The following TRUB1 variants were observed in gnomAD, a reference collection of about 807,000 sequenced individuals.
TRUB1 encodes pseudouridylate synthase TRUB1.
A neutral mutation model predicts 33.9 loss-of-function variants in TRUB1; 23 were observed. The ratio of observed to expected loss-of-function variants is 0.68; its 90% CI spans 0.49 to 0.96. The LOEUF is 0.96. Among genes scored for constraint, TRUB1 ranks in the 40% least tolerant of loss-of-function variants. The pLI is 0.00. For synonymous variants in TRUB1, 163 were observed against 165.4 expected (o/e 0.99, Z 0.11); for missense variants, 378 against 422.2 (o/e 0.90, Z 0.92).
intron 4 of TRUB1, among the ~76,000 whole-genome samples, chr10:114,964,856 G>A (rs1283034935): frequency 6.6e-6 from 1 of 150,532 alleles, no homozygotes; most frequent in Non-Finnish European, 1.5e-5. Context: ...ATTAATTGCT[G>A]TAGTTTTAGA....
intron 3 of TRUB1, among the ~76,000 whole-genome samples, chr10:114,958,953 G>A (rs1235526930): frequency 6.6e-6 from 1 of 151,598 alleles, no homozygotes; most frequent in Non-Finnish European, 1.5e-5. Context: ...CTGACAACAT[G>A]GTGAAACCCC....
At chr10:114,966,526 A>G (rs2084309633) in intron 4 of TRUB1, among the ~76,000 whole-genome samples, 2 of 152,312 alleles carry the variant, frequency 1.3e-5, no homozygotes, top group South Asian at 4.1e-4. Flanking sequence ...CACACACTCA[A>G]AATCTACTGG....
At chr10:114,943,845 T>A (rs2084199935) in intron 2 of TRUB1, among the ~76,000 whole-genome samples, 1 of 152,042 alleles carries the variant, frequency 6.6e-6, no homozygotes. Context: ...CTATCTCTAA[T>A]CTAATCTCTG....
chr10:114,975,108 C>A lies in TRUB1; in HGVS notation c.794-15C>A. The A allele has an allele frequency of 6.3e-7, 1 of 1,584,954 alleles. No individual in the cohort carries two copies. The highest frequency in any genetic ancestry group is 1.4e-5 in the African/African-American group (1 of 73,246). On this transcript the variant is annotated splice_polypyrimidine_tract_variant and intron_variant, in intron 7 of 7. Transcript: ENST00000298746. ...TTTATCTTCTGGATTTTTTTTCTAC[C>A]TTTTGTTGCCATAGAACTATCTTCC...
chr10:114,974,632 G>A (rs1242987978), intron 7 of TRUB1, among the ~76,000 whole-genome samples: 4 of 151,652 alleles, frequency 2.6e-5, no homozygotes, highest in African/African-American at 4.8e-5. Flanking sequence ...AATAATGAAC[G>A]TAGGGCCAAC....
chr10:114,974,768 G>A (rs1438300018), intron 7 of TRUB1, among the ~76,000 whole-genome samples: 1 of 152,048 alleles, frequency 6.6e-6, no homozygotes, highest in Non-Finnish European at 1.5e-5. Flanking sequence ...CAGCCAGAAG[G>A]TTTCGGTTCT....
chr10:114,945,913 G>C (rs538984827), intron 2 of TRUB1, among the ~76,000 whole-genome samples: 1 of 152,144 alleles, frequency 6.6e-6, no homozygotes, highest in Non-Finnish European at 1.5e-5. Flanking sequence ...TGATCACACA[G>C]GGAATTTTAT....
intron 2 of TRUB1, among the ~76,000 whole-genome samples, chr10:114,944,828 T>A (rs1246382590): frequency 6.6e-6 from 1 of 151,702 alleles, no homozygotes; most frequent in Non-Finnish European, 1.5e-5. Context: ...CTATAAAAAA[T>A]TAAAAAATTA....
At chr10:114,972,373 G>T in intron 6 of TRUB1, 99 bp downstream of exon 6, 1 of 1,344,700 alleles carries the variant, frequency 7.4e-7, no homozygotes, top group Non-Finnish European at 1.0e-6. Flanking sequence ...GGATGTTGGA[G>T]ATTTTTTAAA....
At chr10:114,952,176 T>G (rs1292596342) in intron 3 of TRUB1, among the ~76,000 whole-genome samples, 2 of 152,198 alleles carry the variant, frequency 1.3e-5, no homozygotes, top group African/African-American at 4.8e-5. Flanking sequence ...TGGTGTCTCA[T>G]GCCTGTAATC....
chr10:114,950,724 A>G (rs2084230522), intron 2 of TRUB1, among the ~76,000 whole-genome samples: 1 of 152,198 alleles, frequency 6.6e-6, no homozygotes, highest in Non-Finnish European at 1.5e-5. Flanking sequence ...CTGTCAAAAG[A>G]CTTTATCATA....
At chr10:114,951,522 G>C (rs2084235201) in intron 3 of TRUB1, among the ~76,000 whole-genome samples, 1 of 152,066 alleles carries the variant, frequency 6.6e-6, no homozygotes, top group Non-Finnish European at 1.5e-5. Context: ...TGTGCCCTTT[G>C]AGCAAAAATA....
intron 3 of TRUB1, among the ~76,000 whole-genome samples, chr10:114,954,064 T>TAA (rs377033591): frequency 0.31 from 45,552 of 148,546 alleles, 8,003 homozygotes; most frequent in Non-Finnish European, 0.42. Flanking sequence ...TCTATTTCAT[T>TAA]AAAAAAAAAA....
At position 114,942,666 on chromosome 10, in the gene TRUB1, A is replaced by C. The variant is rs34393297; in HGVS notation, c.308A>C (p.Glu103Ala). 0.031 allele frequency: 49,474 copies of C among 1,613,464 alleles called. 968 individuals carry two copies. The highest frequency in any genetic ancestry group is 0.035 in the Non-Finnish European group (41,709 of 1,179,388). The part of the protein sequence containing the change: ...LLAEAGMPSP[E>A]WTKRKKQTLK... ...ATAGAAGCTGGAATGCCTTCTCCAG[A>C]ATGGACCAAGAGGAAAAAGCAGACT... Residue 103 changes from glutamate (E) to alanine (A), a missense_variant, in exon 2 of 8, where the codon GAA becomes GCA. By Grantham distance (107) the Glu-to-Ala change is moderately radical. Coordinates refer to ENST00000298746, the MANE Select transcript of TRUB1 (RefSeq NM_139169.5).
chr10:114,960,000 G>T (rs910181936), intron 4 of TRUB1, 193 bp downstream of exon 4: 1 of 530,620 alleles, frequency 1.9e-6, no homozygotes, highest in South Asian at 2.8e-5. Context: ...AAGATTTATT[G>T]TGATTGCCTC....
Position 114,977,122 on chromosome 10 carries a change from T to G in TRUB1, c.*1743T>G, listed in dbSNP as rs926455576. ...AGAGGAGTAGAGATTGTTGACCATT[T>G]TTAAAAAACGATAGCCACTCTTTTT... On this transcript the variant is annotated 3_prime_UTR_variant, in exon 8 of 8. Coordinates refer to ENST00000298746, the MANE Select transcript of TRUB1 (RefSeq NM_139169.5). 1 of 152,180 alleles carries G rather than the reference T, an allele frequency of 6.6e-6. No homozygotes were observed. Among genetic ancestry groups the G allele is most frequent in the African/African-American group, 2.4e-5 (1 of 41,462 alleles). 9.4% of individuals were successfully genotyped at this position (152,180 alleles called of 1,614,324 possible). A position where few individuals can be genotyped will look rare whatever the true frequency, so the allele number is the denominator to read the frequency against.
In TRUB1 at chr10:114,938,466, G is replaced by A; in HGVS notation, c.213G>A (p.Val71=). 1 of 1,594,342 alleles carries A rather than the reference G, an allele frequency of 6.3e-7. No homozygotes were observed. Among genetic ancestry groups the A allele is most frequent in the African/African-American group, 1.3e-5 (1 of 74,552 alleles). The change falls in exon 1 of 8, where the codon GTG becomes GTA. Residue 71 remains valine (V), a synonymous_variant. Transcript: ENST00000298746. ...CCAAGCTGCTGTCCTTGAGCGGCGT[G>A]TTCGCCGTGCACAAGCCCAAAGGGC... ...LATKLLSLSG[V]FAVHKPKGPT... is the part of the protein sequence containing the mutation.
chr10:114,951,533 T>C (rs893147682), intron 3 of TRUB1, among the ~76,000 whole-genome samples: 6 of 152,202 alleles, frequency 3.9e-5, no homozygotes, highest in African/African-American at 1.4e-4. Context: ...AGCAAAAATA[T>C]GCTTTGTTCA....
intron 1 of TRUB1, among the ~76,000 whole-genome samples, chr10:114,939,523 A>T (rs991158226): frequency 6.6e-6 from 1 of 152,246 alleles, no homozygotes; most frequent in African/African-American, 2.4e-5. Context: ...TGTCCCATGG[A>T]AAACTTTACA....
Sources: allele counts gnomAD v4.1 joint callset (sites outside exome capture counted in the v4.1 genomes callset), GRCh38; gene constraint gnomAD v4.1.1; transcripts MANE v1.5; gene names NCBI Gene and HGNC (gene_info 2026-07-23, HGNC 2026-07-21).